TGFBR3: variants seen among roughly 807,000 people sequenced by gnomAD.
TGFBR3 encodes transforming growth factor beta receptor type 3.
In TGFBR3, 46 loss-of-function variants were observed where a neutral mutation model predicts 87.9. That is an observed-to-expected ratio of 0.52 (90% CI 0.41 to 0.67). TGFBR3 has a LOEUF of 0.67. Among genes scored for constraint, TGFBR3 ranks in the 30% least tolerant of loss-of-function variants. TGFBR3 has a pLI of 0.00. For missense variants in TGFBR3, 866 were observed against 1,041.9 expected (o/e 0.83, Z 2.32); for synonymous variants, 381 against 391.6 (o/e 0.97, Z 0.32).
Position 91,758,673 on chromosome 1 carries a change from G to A in TGFBR3, c.324C>T (p.His108=), listed in dbSNP as rs780911799. 7 of 1,613,932 alleles carry A rather than the reference G, an allele frequency of 4.3e-6. No homozygotes were observed. Among genetic ancestry groups the A allele is most frequent in the Non-Finnish European group, 4.2e-6 (5 of 1,179,948 alleles). ...KSVVFLLNSP[H]PLVWHLKTER... ...CTGTCTTCAGATGCCACACCAGGGG[G>A]TGTGGGGAGTTGAGCAGGAACACAA... The change falls in exon 4 of 17, where the codon CAC becomes CAT. Residue 108 remains histidine (H), a synonymous_variant. Transcript: ENST00000212355.
intron 7 of TGFBR3, among the ~76,000 whole-genome samples, chr1:91,723,087 G>A (rs1286347376): frequency 6.6e-6 from 1 of 152,000 alleles, no homozygotes; most frequent in African/African-American, 2.4e-5. Context: ...TCTACTAACT[G>A]AATATACTTG....
intron 14 of TGFBR3, 109 bp from the exon 15 acceptor site, chr1:91,698,239 C>G: frequency 1.1e-6 from 1 of 932,868 alleles, no homozygotes; most frequent in African/African-American, 1.6e-5. Flanking sequence ...GTAATAAATA[C>G]TGTGAGAAAG....
chr1:91,858,556 A>G (rs933550091), intron 2 of TGFBR3, among the ~76,000 whole-genome samples: 2 of 149,574 alleles, frequency 1.3e-5, no homozygotes, highest in African/African-American at 2.5e-5. Flanking sequence ...TGGAGGTTAC[A>G]ATGAGCCAAG....
intron 12 of TGFBR3, among the ~76,000 whole-genome samples, chr1:91,715,170 G>A (rs949367476): frequency 6.6e-6 from 1 of 152,182 alleles, no homozygotes; most frequent in Non-Finnish European, 1.5e-5. Flanking sequence ...GAAACACTAA[G>A]GTTGAAACAT....
intron 4 of TGFBR3, among the ~76,000 whole-genome samples, chr1:91,758,199 G>A (rs1673818269): frequency 6.6e-6 from 1 of 152,036 alleles, no homozygotes; most frequent in African/African-American, 2.4e-5. Flanking sequence ...CTCATATCAG[G>A]AATTAGGCCT....
At position 91,683,861 on chromosome 1, in the gene TGFBR3, C is replaced by CA; in HGVS notation, c.2438-5dup. On this transcript the variant is annotated splice_region_variant and splice_polypyrimidine_tract_variant and intron_variant, in intron 16 of 16. Coordinates refer to ENST00000212355, the MANE Select transcript of TGFBR3 (RefSeq NM_003243.5). ...TGCTGCCTTCCTGCTGTCTCCCCTG[C>CA]AGTTAATAAAGAAAAGGCAGAGTCA... 1 of 1,594,278 alleles carries CA rather than the reference C, an allele frequency of 6.3e-7. No individual in the cohort carries two copies. The highest frequency in any genetic ancestry group is 8.5e-7 in the Non-Finnish European group (1 of 1,169,840).
chr1:91,860,886 C>T (rs1678155820), intron 2 of TGFBR3, among the ~76,000 whole-genome samples: 1 of 126,858 alleles, frequency 7.9e-6, no homozygotes, highest in African/African-American at 3.0e-5. Context: ...GAGCCGAGAT[C>T]AGGCCATTGC....
chr1:91,832,281 A>G (rs1303255502), intron 2 of TGFBR3, among the ~76,000 whole-genome samples: 1 of 152,232 alleles, frequency 6.6e-6, no homozygotes, highest in Non-Finnish European at 1.5e-5. Flanking sequence ...GCCCTAAATG[A>G]GAGAGAGCTT....
At chr1:91,746,878 G>A (rs1673368202) in intron 4 of TGFBR3, among the ~76,000 whole-genome samples, 1 of 152,156 alleles carries the variant, frequency 6.6e-6, no homozygotes, top group South Asian at 2.1e-4. Context: ...TCACTCTAGA[G>A]CTCTTTCTAT....
chr1:91,784,321 G>A (rs894360569), intron 3 of TGFBR3, among the ~76,000 whole-genome samples: 1 of 152,066 alleles, frequency 6.6e-6, no homozygotes, highest in Non-Finnish European at 1.5e-5. Flanking sequence ...CTATGCAAAA[G>A]GAAAGTCATT....
chr1:91,827,169 G>A (rs1261519679), intron 2 of TGFBR3, among the ~76,000 whole-genome samples: 7 of 152,126 alleles, frequency 4.6e-5, no homozygotes, highest in African/African-American at 7.2e-5. Context: ...GGGTGGGGAC[G>A]CCGTAGGTGT....
At chr1:91,769,949 T>G (rs1435572225) in intron 3 of TGFBR3, among the ~76,000 whole-genome samples, 1 of 152,192 alleles carries the variant, frequency 6.6e-6, no homozygotes, top group Non-Finnish European at 1.5e-5. Context: ...TGAAGAATGA[T>G]CAAAGTAAAC....
rs1185094366 is a variant in TGFBR3, at chr1:91,797,885, T to A, written c.62-414A>T. ...ACAAAAGTATAAGATACAGATCCTA[T>A]CTTTTCAGAGCTTCCCTTTATTAGG... On this transcript the variant is annotated intron_variant, in intron 2 of 16. Transcript: ENST00000212355. Among the ~76,000 whole-genome samples, 3 of 152,300 alleles carry A rather than the reference T, an allele frequency of 2.0e-5. No homozygotes were observed. In the East Asian group the frequency reaches 5.8e-4, roughly 29 times the overall value.
At chr1:91,771,661 G>A (rs569758510) in intron 3 of TGFBR3, among the ~76,000 whole-genome samples, 7 of 144,894 alleles carry the variant, frequency 4.8e-5, no homozygotes, top group East Asian at 4.1e-4. Flanking sequence ...AGCCGAGATC[G>A]TGCCACTGCA....
At chr1:91,716,443 G>A in intron 11 of TGFBR3, 49 bp from the exon 12 acceptor site, 1 of 1,614,034 alleles carries the variant, frequency 6.2e-7, no homozygotes, top group Non-Finnish European at 8.5e-7. Context: ...TATGAAGGAT[G>A]AAGGCCCTGT....
chr1:91,901,914 GCCCTGACCCT>G (rs1679728644), intron 1 of TGFBR3, among the ~76,000 whole-genome samples: 1 of 144,404 alleles, frequency 6.9e-6, no homozygotes. Context: ...ACAAAGCAAG[GCCCTGACCCT>G]CCCCCACCCC....
intron 14 of TGFBR3, among the ~76,000 whole-genome samples, chr1:91,708,075 C>T (rs767132449): frequency 2.0e-5 from 3 of 152,218 alleles, no homozygotes; most frequent in Admixed American, 6.5e-5. Flanking sequence ...ACAGAAGATA[C>T]AGCTTGCTGA....
chr1:91,798,901 C>T (rs1346503619), intron 2 of TGFBR3, among the ~76,000 whole-genome samples: 1 of 152,172 alleles, frequency 6.6e-6, no homozygotes, highest in Non-Finnish European at 1.5e-5. Flanking sequence ...TCACTGCAGC[C>T]TCCTTTCACA....
chr1:91,819,418 G>A (rs1215197670), intron 2 of TGFBR3, among the ~76,000 whole-genome samples: 5 of 151,344 alleles, frequency 3.3e-5, no homozygotes, highest in Non-Finnish European at 5.9e-5. Flanking sequence ...CCTTGTAAGC[G>A]AGGCCACTCC....
Sources: allele counts gnomAD v4.1 joint callset (sites outside exome capture counted in the v4.1 genomes callset), GRCh38; gene constraint gnomAD v4.1.1; transcripts MANE v1.5; gene names NCBI Gene and HGNC (gene_info 2026-07-23, HGNC 2026-07-21).